Variants in LIFR observed in about 807,000 individuals in gnomAD.
The protein encoded by LIFR is leukemia inhibitory factor receptor.
LIFR carries 84 observed loss-of-function variants against 122.2 expected under a neutral mutation model. The ratio of observed to expected loss-of-function variants is 0.69; its 90% confidence interval spans 0.58 to 0.82. The LOEUF is 0.82. Among genes scored for constraint, LIFR ranks in the 40% least tolerant of loss-of-function variants. LIFR has a pLI of 0.00. For synonymous variants in LIFR, 422 were observed against 434.7 expected, an observed-to-expected ratio of 0.97 and a Z score of 0.36; for missense variants, 1,294 against 1,311.6, an observed-to-expected ratio of 0.99 and a Z score of 0.21.
intron 7 of LIFR, among the ~76,000 whole-genome samples, chr5:38,507,859 C>T (rs1218888302): frequency 6.6e-6 from 1 of 151,610 alleles, no homozygotes; most frequent in Non-Finnish European, 1.5e-5. Flanking sequence ...ATAAGGATAA[C>T]ATCCTTCAAT....
At chr5:38,598,570 T>C (rs894952313), upstream of LIFR, among the ~76,000 whole-genome samples, 1 of 152,034 alleles carries the variant, frequency 6.6e-6, no homozygotes, top group African/African-American at 2.4e-5. Flanking sequence ...TCAGCCATAG[T>C]GAATCACTGA....
At chr5:38,534,568 A>G (rs1414607847) in intron 1 of LIFR, among the ~76,000 whole-genome samples, 1 of 152,236 alleles carries the variant, frequency 6.6e-6, no homozygotes, top group East Asian at 1.9e-4. Context: ...TAGTCCTCAA[A>G]GAGCCCACAT....
At chr5:38,519,598 T>C (rs1471094822) in intron 5 of LIFR, among the ~76,000 whole-genome samples, 1 of 152,212 alleles carries the variant, frequency 6.6e-6, no homozygotes, top group African/African-American at 2.4e-5. Flanking sequence ...CCAACCTCTC[T>C]TCCTGCCCCG....
rs1443518923 is a variant in LIFR, at chr5:38,505,959, G to T, written c.1237C>A (p.His413Asn). 1 of 1,610,938 alleles carries T rather than the reference G, an allele frequency of 6.2e-7. No individual in the cohort carries two copies. The highest frequency in any genetic ancestry group is 8.5e-7 in the Non-Finnish European group (1 of 1,178,222). ...QEIYNFTLNA[H>N]NPLGRSQSTI... ...GATTGTGATCGACCCAGCGGATTGT[G>T]AGCATTCAAAGTAAAATTATATATT... Residue 413 changes from histidine to asparagine, a missense_variant, in exon 9 of 20, where the codon CAC becomes AAC. Coordinates refer to ENST00000453190, the MANE Select transcript of LIFR (RefSeq NM_001127671.2).
intron 1 of LIFR, among the ~76,000 whole-genome samples, chr5:38,588,999 CT>C (rs70978896): frequency 0.69 from 80,662 of 116,156 alleles, 26,413 homozygotes; most frequent in East Asian, 0.88. Flanking sequence ...TATGTTATTT[CT>C]TTTTTTTTTT....
At chr5:38,537,879 A>G (rs933902527) in intron 1 of LIFR, among the ~76,000 whole-genome samples, 4 of 152,242 alleles carry the variant, frequency 2.6e-5, no homozygotes, top group African/African-American at 9.6e-5. Context: ...TTACATACAT[A>G]GCAAATAGAT....
At chr5:38,509,069 G>A (rs1433659515) in intron 7 of LIFR, among the ~76,000 whole-genome samples, 6 of 152,072 alleles carry the variant, frequency 3.9e-5, no homozygotes, top group South Asian at 2.1e-4. Context: ...ACCTCCAAAC[G>A]TTATAAATGA....
intron 14 of LIFR, among the ~76,000 whole-genome samples, 163 bp from the exon 15 acceptor site, chr5:38,490,454 A>G (rs1328582256): frequency 6.6e-6 from 1 of 152,202 alleles, no homozygotes; most frequent in African/African-American, 2.4e-5. Flanking sequence ...TAAATATTCA[A>G]AAGAAAATTG....
upstream of LIFR, among the ~76,000 whole-genome samples, chr5:38,599,087 A>G (rs1391641083): frequency 6.6e-6 from 1 of 152,208 alleles, no homozygotes; most frequent in Non-Finnish European, 1.5e-5. Flanking sequence ...GAGAATGAGC[A>G]GGCTTCCCCC....
At chr5:38,583,112 G>A (rs1022505187) in intron 1 of LIFR, among the ~76,000 whole-genome samples, 10 of 152,172 alleles carry the variant, frequency 6.6e-5, no homozygotes, top group East Asian at 1.9e-4. Context: ...TTGCACATAC[G>A]TAACGTGTTC....
chr5:38,487,171 C>CA (rs1178572219), intron 16 of LIFR, among the ~76,000 whole-genome samples: 2 of 152,190 alleles, frequency 1.3e-5, no homozygotes, highest in Non-Finnish European at 2.9e-5. Context: ...TGCTCTCTCT[C>CA]CCCTGTGGCT....
chr5:38,506,672 T>C, intron 7 of LIFR, 40 bp from the exon 8 acceptor site: 1 of 1,555,000 alleles, frequency 6.4e-7, no homozygotes, highest in South Asian at 1.1e-5. Context: ...ATTACATATA[T>C]TTTCCCTGAA....
rs973001410 is a variant in LIFR at position 38,475,332 on chromosome 5, T to G, written c.*6263A>C. 2.6e-5 allele frequency: 5 copies of G among 193,430 alleles called. No individual in the cohort carries two copies. Among genetic ancestry groups the G allele is most frequent in the African/African-American group, 9.3e-5 (4 of 43,134 alleles). The allele number at this position is 193,430 out of a possible 1,614,324, so 12.0% of individuals were successfully genotyped here. ...TGTGAATCAGACTGAATCACACACA[T>G]GTACTTCATCTATAGTTTTCTTCCT... On this transcript the variant is annotated 3_prime_UTR_variant, in exon 20 of 20. Transcript: ENST00000453190.
chr5:38,530,189 G>A (rs577420114), intron 2 of LIFR, among the ~76,000 whole-genome samples: 6 of 152,248 alleles, frequency 3.9e-5, no homozygotes, highest in East Asian at 1.9e-4. Context: ...TTGCAGTGCC[G>A]GGGCTGTTCC....
At chr5:38,587,243 G>A (rs1175160159) in intron 1 of LIFR, among the ~76,000 whole-genome samples, 8 of 151,966 alleles carry the variant, frequency 5.3e-5, no homozygotes, top group Non-Finnish European at 1.0e-4. Flanking sequence ...TGCAGTGAGT[G>A]TCAAGAAAGA....
At chr5:38,606,794 T>C (rs1440870936) in intron 1 of LIFR, among the ~76,000 whole-genome samples, 1 of 152,062 alleles carries the variant, frequency 6.6e-6, no homozygotes, top group East Asian at 1.9e-4. Flanking sequence ...GACACTTTCT[T>C]TTTTTTCCCC....
chr5:38,518,852 C>T (rs1378607739), intron 5 of LIFR, among the ~76,000 whole-genome samples: 1 of 152,158 alleles, frequency 6.6e-6, no homozygotes, highest in African/African-American at 2.4e-5. Context: ...CGAAGACCTT[C>T]CAGTGGGACA....
intron 1 of LIFR, 97 bp from the exon 2 acceptor site, chr5:38,530,763 T>C: frequency 9.2e-7 from 1 of 1,083,774 alleles, no homozygotes; most frequent in Non-Finnish European, 1.4e-6. Context: ...TGACAGATTC[T>C]GAAACACTGT....
intron 3 of LIFR, 119 bp downstream of exon 3, chr5:38,528,607 C>G (rs1746817095): frequency 1.3e-6 from 1 of 741,946 alleles, no homozygotes; most frequent in African/African-American, 1.7e-5. Context: ...GCAGACTCTG[C>G]TGGACACAGA....
Sources: gnomAD v4.1 joint callset for allele counts (sites outside exome capture counted in the v4.1 genomes callset) on GRCh38, gnomAD v4.1.1 for gene constraint, MANE v1.5 for transcripts, NCBI Gene and HGNC (gene_info 2026-07-23, HGNC 2026-07-21) for gene names.